Variants in PIK3C2G observed in about 807,000 individuals in gnomAD.
The protein encoded by PIK3C2G is phosphatidylinositol-4-phosphate 3-kinase catalytic subunit type 2 gamma.
PIK3C2G carries 168 observed loss-of-function variants against 181.1 expected under a neutral mutation model. The observed-to-expected ratio is 0.93, with a 90% CI of 0.82 to 1.05. PIK3C2G has a LOEUF of 1.05. Among genes scored for constraint, PIK3C2G ranks in the 50% least tolerant of loss-of-function variants. The pLI is 0.00. For synonymous variants in PIK3C2G, 573 were observed against 592.2 expected, an observed-to-expected ratio of 0.97 and a Z score of 0.47; for missense variants, 1,869 against 1,732.8, an observed-to-expected ratio of 1.08 and a Z score of -1.40.
At chr12:18,418,526 A>G (rs1293197383) in intron 16 of PIK3C2G, among the ~76,000 whole-genome samples, 2 of 152,154 alleles carry the variant, frequency 1.3e-5, no homozygotes, top group Non-Finnish European at 2.9e-5. Flanking sequence ...AAACCATTTA[A>G]TGTTTTATGA....
rs543104886 is a variant in PIK3C2G at position 18,329,039 on chromosome 12, TGAAACTGACCTTAAAA to T, written c.1272+3946_1272+3961del. On this transcript the variant is annotated intron_variant, in intron 8 of 32. Transcript: ENST00000538779. ...GGAAAATGAAGCACAACTGCAGAAT[TGAAACTGACCTTAAAA>T]GAAATAAAGGGCAGATTGTACTAAA... is the stretch of plus-strand genomic sequence containing the variant. Among the ~76,000 whole-genome samples, 155 of 151,978 alleles carry T rather than the reference TGAAACTGACCTTAAAA, an allele frequency of 1.0e-3. 5 individuals carry two copies. In the South Asian group the frequency reaches 0.029, roughly 29 times the overall value.
chr12:18,697,345 T>C, the PIK3C2G span, among the ~76,000 whole-genome samples: 1 of 152,188 alleles, frequency 6.6e-6, no homozygotes, highest in Non-Finnish European at 1.5e-5. Flanking sequence ...AAAGTTTATT[T>C]TGAAACCATG....
At chr12:18,433,841 T>C (rs1293340413) in intron 18 of PIK3C2G, among the ~76,000 whole-genome samples, 2 of 152,108 alleles carry the variant, frequency 1.3e-5, no homozygotes, top group Admixed American at 1.3e-4. Context: ...TTGGTTTCCT[T>C]CCAACTAAAA....
chr12:18,533,713 T>C (rs1474739704), intron 24 of PIK3C2G, among the ~76,000 whole-genome samples: 2 of 152,122 alleles, frequency 1.3e-5, no homozygotes, highest in African/African-American at 4.8e-5. Flanking sequence ...CCAGTATTTG[T>C]TGATAAATAA....
chr12:18,614,053 T>A (rs1047691878), intron 31 of PIK3C2G, among the ~76,000 whole-genome samples: 1 of 152,104 alleles, frequency 6.6e-6, no homozygotes, highest in Non-Finnish European at 1.5e-5. Flanking sequence ...AAAATCTAGA[T>A]TCTTAAAGGA....
chr12:18,309,893 G>A (rs1363585478), intron 5 of PIK3C2G, among the ~76,000 whole-genome samples: 1 of 151,718 alleles, frequency 6.6e-6, no homozygotes, highest in African/African-American at 2.4e-5. Context: ...GCTTCTGTAA[G>A]TTGAGTTGTA....
At chr12:18,699,986 C>A in the PIK3C2G span, 2 of 1,580,488 alleles carry the variant, frequency 1.3e-6, no homozygotes, top group Non-Finnish European at 1.7e-6. Context: ...CATTTTTATG[C>A]TAATCATTGG....
At chr12:18,348,607 T>C (rs1445596911) in intron 11 of PIK3C2G, among the ~76,000 whole-genome samples, 1 of 152,168 alleles carries the variant, frequency 6.6e-6, no homozygotes, top group African/African-American at 2.4e-5. Context: ...TGGGAAAACA[T>C]GAAGCTATTC....
chr12:18,432,476 CTG>C (rs549450051), intron 18 of PIK3C2G, among the ~76,000 whole-genome samples: 5 of 152,240 alleles, frequency 3.3e-5, no homozygotes, highest in African/African-American at 1.2e-4. Flanking sequence ...AGATAGTAAT[CTG>C]GTTTCCCTAT....
chr12:18,531,376 A>T (rs1208049565), intron 24 of PIK3C2G, among the ~76,000 whole-genome samples: 1 of 152,188 alleles, frequency 6.6e-6, no homozygotes, highest in Non-Finnish European at 1.5e-5. Flanking sequence ...GATTCCATAA[A>T]TCCTTTACTA....
At chr12:18,283,012 G>T (rs1949289355) in intron 2 of PIK3C2G, among the ~76,000 whole-genome samples, 1 of 151,710 alleles carries the variant, frequency 6.6e-6, no homozygotes, top group South Asian at 2.1e-4. Flanking sequence ...AATTTTACTT[G>T]GTTTTAGTTA....
intron 18 of PIK3C2G, among the ~76,000 whole-genome samples, chr12:18,468,446 A>T (rs1027503243): frequency 2.6e-5 from 4 of 152,118 alleles, no homozygotes; most frequent in South Asian, 2.1e-4. Context: ...TGCCTTCAGC[A>T]TTCTTGCCTA....
intron 8 of PIK3C2G, among the ~76,000 whole-genome samples, chr12:18,328,769 G>A (rs1328047670): frequency 6.6e-6 from 1 of 151,962 alleles, no homozygotes; most frequent in Non-Finnish European, 1.5e-5. Context: ...GAAAAGGTGA[G>A]TACCCGTGTT....
intron 24 of PIK3C2G, among the ~76,000 whole-genome samples, chr12:18,526,804 G>A (rs1377978878): frequency 1.3e-5 from 2 of 152,214 alleles, no homozygotes; most frequent in Non-Finnish European, 2.9e-5. Flanking sequence ...ACCATTTCAA[G>A]AAACAAAGTT....
chr12:18,574,012 C>T (rs545565900), intron 29 of PIK3C2G, among the ~76,000 whole-genome samples: 1 of 152,266 alleles, frequency 6.6e-6, no homozygotes, highest in Non-Finnish European at 1.5e-5. Flanking sequence ...CACACACGTA[C>T]TCTATATATG....
chr12:18,723,435 A>G, the PIK3C2G span: 1 of 1,613,078 alleles, frequency 6.2e-7, no homozygotes, highest in Non-Finnish European at 8.5e-7. Flanking sequence ...TCCGGTTTTC[A>G]GAATATGTGT....
At chr12:18,590,295 T>C (rs551783119) in intron 29 of PIK3C2G, among the ~76,000 whole-genome samples, 35 of 152,050 alleles carry the variant, frequency 2.3e-4, no homozygotes, top group African/African-American at 8.4e-4. Context: ...GATGGCCACA[T>C]ACTTTCCGAA....
rs1941749878 is a variant in PIK3C2G at position 18,505,321 on chromosome 12, T to C, written c.3183T>C (p.Ala1061=). 1.2e-6 allele frequency: 2 copies of C among 1,610,564 alleles called. No homozygotes were observed. The highest frequency in any genetic ancestry group is 2.7e-5 in the African/African-American group (2 of 74,900). The change falls in exon 24 of 33, where the codon GCT becomes GCC. Residue 1061 remains alanine (A), a synonymous_variant. Transcript: ENST00000538779. ...KALRNFFYSC[A]GWCVVTFILG... ...TGAGGAACTTTTTCTACTCCTGTGC[T>C]GGCTGGTGTGTGGTAACATTCATCC...
At chr12:18,299,555 G>T (rs1950089290) in intron 5 of PIK3C2G, among the ~76,000 whole-genome samples, 2 of 151,874 alleles carry the variant, frequency 1.3e-5, no homozygotes, top group Middle Eastern at 3.4e-3. Flanking sequence ...CCCAATTGTT[G>T]TGTGTAGGAC....
Sources: gnomAD v4.1 joint callset for allele counts (sites outside exome capture counted in the v4.1 genomes callset) on GRCh38, gnomAD v4.1.1 for gene constraint, MANE v1.5 for transcripts, NCBI Gene and HGNC (gene_info 2026-07-23, HGNC 2026-07-21) for gene names.